Variants in TBC1D16 observed in about 807,000 individuals in gnomAD.
TBC1D16 encodes TBC1 domain family member 16.
TBC1D16 carries 58 observed loss-of-function variants against 74.7 expected under a neutral mutation model. That is an observed-to-expected ratio of 0.78 (90% CI 0.63 to 0.97). TBC1D16 has a LOEUF of 0.97. TBC1D16 is among the 50% of genes least tolerant of loss of function. The pLI, the probability that TBC1D16 is intolerant of heterozygous loss-of-function variation, is 0.00. For missense variants in TBC1D16, 1,014 were observed against 1,079.5 expected (o/e 0.94, Z 0.85); for synonymous variants, 493 against 474.7 (o/e 1.04, Z -0.50).
At chr17:79,959,261 A>G (rs1950286318) in intron 3 of TBC1D16, among the ~76,000 whole-genome samples, 1 of 152,250 alleles carries the variant, frequency 6.6e-6, no homozygotes, top group African/African-American at 2.4e-5. Flanking sequence ...ATCTTAAGAA[A>G]TGCAGAAATG....
At position 80,010,321 on chromosome 17, in the gene TBC1D16, G is replaced by A. The variant is rs1476935325; in HGVS notation, c.618C>T (p.Ala206=). Residue 206 remains alanine (A), a synonymous_variant, in exon 3 of 12, where the codon GCC becomes GCT. Transcript: ENST00000310924. This position sits in a 1 kb window ranked among gnomAD's most constrained non-coding sequence, Gnocchi z 8.8. The part of the protein sequence containing the change: ...TEEGREPRPE[A]GEEDGSLELS... Reference sequence around the variant, plus strand: ...GTTCCAAAGAGCCATCCTCCTCCCCGGCCTCGGGCCGCGGCTCCCGCCCCT... The same window carrying A: ...GTTCCAAAGAGCCATCCTCCTCCCCAGCCTCGGGCCGCGGCTCCCGCCCCT... 1.1e-5 allele frequency: 18 copies of A among 1,610,922 alleles called. No homozygotes were observed. The Middle Eastern group carries it at 4.9e-4, about 44-fold the overall frequency.
rs941272113 is a variant in TBC1D16, at chr17:79,979,305, C to T, written c.780-26487G>A. Among the ~76,000 whole-genome samples the T allele has an allele frequency of 2.6e-5, 4 of 151,872 alleles. No individual in the cohort carries two copies. Among genetic ancestry groups the T allele is most frequent in the East Asian group, 1.9e-4 (1 of 5,166 alleles). On this transcript the variant is annotated intron_variant, in intron 3 of 11. Transcript: ENST00000310924. The surrounding 1 kb of genome is among the most constrained non-coding windows in gnomAD (Gnocchi z 4.8). ...CACGCGCTCCGGGGACGCACACCCA[C>T]GCCCAGAGCACACACGCTCCAGGGA...
intron 3 of TBC1D16, among the ~76,000 whole-genome samples, chr17:80,003,848 G>A (rs2035581177): frequency 6.6e-6 from 1 of 152,150 alleles, no homozygotes; most frequent in African/African-American, 2.4e-5. Flanking sequence ...CTAGGAGTTT[G>A]AGACCAGCCT....
intron 1 of TBC1D16, among the ~76,000 whole-genome samples, chr17:80,030,764 C>A (rs995389795): frequency 3.9e-5 from 6 of 152,134 alleles, no homozygotes; most frequent in Non-Finnish European, 7.4e-5. Context: ...CAGGCAGGGG[C>A]AGAGGCAGAG....
Position 79,990,894 on chromosome 17 carries a change from C to T in TBC1D16, c.779+19266G>A, listed in dbSNP as rs1022374740. 6.6e-6 allele frequency among the ~76,000 whole-genome samples: 1 copy of T among 152,224 alleles called. No individual in the cohort carries two copies. Among genetic ancestry groups the T allele is most frequent in the Non-Finnish European group, 1.5e-5 (1 of 68,044 alleles). ...CTCGGCGTAACGTCCTCAACTCATC[C>T]GTGTTGCGGCGCGTGTCAGAATTGC... On this transcript the variant is annotated intron_variant, in intron 3 of 11. Coordinates refer to ENST00000310924, the MANE Select transcript of TBC1D16 (RefSeq NM_019020.4). The surrounding 1 kb of genome is among the most constrained non-coding windows in gnomAD (Gnocchi z 4.8).
Position 79,993,908 on chromosome 17 carries a change from T to C in TBC1D16, c.779+16252A>G, listed in dbSNP as rs1203372433. ...CCCCCATGCAACCACCGGCCGGGGTTGCGTCAAGGCCTCCCGGAGCAGCTG... is the reference window on the plus strand; with the variant it reads ...CCCCCATGCAACCACCGGCCGGGGTCGCGTCAAGGCCTCCCGGAGCAGCTG... On this transcript the variant is annotated intron_variant, in intron 3 of 11. Transcript: ENST00000310924. The surrounding 1 kb of genome is among the most constrained non-coding windows in gnomAD (Gnocchi z 5.1). Among the ~76,000 whole-genome samples the C allele has an allele frequency of 6.6e-6, 1 of 152,098 alleles. No homozygotes were observed. The highest frequency in any genetic ancestry group is 2.4e-5 in the African/African-American group (1 of 41,436).
intron 1 of TBC1D16, among the ~76,000 whole-genome samples, chr17:80,016,605 A>AGGGT (rs1264570160): frequency 7.8e-4 from 1 of 1,278 alleles, no homozygotes; most frequent in Non-Finnish European, 1.4e-3. Context: ...TCTGGGACAG[A>AGGGT]GGGTGGGTGG....
At chr17:79,955,999 C>T (rs2033315579) in intron 3 of TBC1D16, among the ~76,000 whole-genome samples, 1 of 152,184 alleles carries the variant, frequency 6.6e-6, no homozygotes, top group Admixed American at 6.5e-5. Flanking sequence ...AGTTCTGGGG[C>T]CTAGGCAGCC....
Position 79,932,815 on chromosome 17 carries a change from A to G in TBC1D16, c.*8044T>C, listed in dbSNP as rs535499017. The G allele has an allele frequency of 6.6e-6, 1 of 152,208 alleles. No homozygotes were observed. Among genetic ancestry groups the G allele is most frequent in the Admixed American group, 6.5e-5 (1 of 15,286 alleles). 9.4% of individuals were successfully genotyped at this position (152,208 alleles called of 1,614,324 possible). A position where few individuals can be genotyped will look rare whatever the true frequency, so the allele number is the denominator to read the frequency against. On this transcript the variant is annotated 3_prime_UTR_variant, in exon 12 of 12. Coordinates refer to ENST00000310924, the MANE Select transcript of TBC1D16 (RefSeq NM_019020.4). ...TGCTGCGCCCAGCCTGAGGCCCTGG[A>G]CCCCTTTTGCACCATCCTAATTTCA...
intron 1 of TBC1D16, among the ~76,000 whole-genome samples, chr17:80,027,891 CAAAAA>C (rs71163908): frequency 1.5e-5 from 1 of 66,824 alleles, no homozygotes; most frequent in Admixed American, 1.8e-4. Context: ...GACTCCAACT[CAAAAA>C]AAAAAAAAAA....
Position 80,010,436 on chromosome 17 carries a change from A to C in TBC1D16, c.503T>G (p.Leu168Trp). Reference sequence around the variant, plus strand: ...GGCTGGCTGGGCACCATCCACCCCCAAGCCCTGCGCCAGCTTCTCCTCATC... The same window carrying C: ...GGCTGGCTGGGCACCATCCACCCCCCAGCCCTGCGCCAGCTTCTCCTCATC... ...PEDEEKLAQG[L>W]GVDGAQPASQ... The change falls in exon 3 of 12, where the codon TTG (leucine) becomes TGG (tryptophan). Residue 168 changes from leucine to tryptophan, a missense_variant. By Grantham distance (61) the Leu-to-Trp change is moderately conservative. Coordinates refer to ENST00000310924, the MANE Select transcript of TBC1D16 (RefSeq NM_019020.4). This position sits in a 1 kb window ranked among gnomAD's most constrained non-coding sequence, Gnocchi z 8.8. The C allele has an allele frequency of 6.2e-7, 1 of 1,609,438 alleles. No individual in the cohort carries two copies. The highest frequency in any genetic ancestry group is 1.3e-5 in the African/African-American group (1 of 74,940).
intron 3 of TBC1D16, among the ~76,000 whole-genome samples, chr17:79,992,587 A>C (rs537370856): frequency 1.3e-5 from 2 of 152,340 alleles, no homozygotes; most frequent in East Asian, 3.9e-4. Flanking sequence ...AGTCTGCCCT[A>C]ACCGCCAGTC....
chr17:79,974,939 G>C (rs562134909), intron 3 of TBC1D16, among the ~76,000 whole-genome samples: 2 of 152,192 alleles, frequency 1.3e-5, no homozygotes, highest in Admixed American at 6.5e-5. Context: ...CTCCCTGTCC[G>C]ATTCCTGATT....
intron 1 of TBC1D16, among the ~76,000 whole-genome samples, chr17:80,023,362 A>G (rs570971897): frequency 6.7e-6 from 1 of 149,894 alleles, no homozygotes; most frequent in South Asian, 2.1e-4. Flanking sequence ...ACCATGGGAC[A>G]GTACCCGGGC....
chr17:80,002,069 G>A (rs538369242), intron 3 of TBC1D16, among the ~76,000 whole-genome samples: 608 of 152,246 alleles, frequency 4.0e-3, no homozygotes, highest in Non-Finnish European at 6.3e-3. Context: ...GGCAGGAAAC[G>A]CAGAAGGGAT....
At position 79,950,393 on chromosome 17, in the gene TBC1D16, G is replaced by C; in HGVS notation, c.1257+18C>G. On this transcript the variant is annotated intron_variant, in intron 6 of 11. Transcript: ENST00000310924. The surrounding 1 kb of genome is among the most constrained non-coding windows in gnomAD (Gnocchi z 4.6). The stretch of plus-strand genomic sequence containing the variant: ...GGCCGGCTCTCCGCGGGGCCAGCTG[G>C]GCGGACCCGGACCTCACCTTCCGCA... The C allele has an allele frequency of 6.3e-7, 1 of 1,591,248 alleles. No individual in the cohort carries two copies. Among genetic ancestry groups the C allele is most frequent in the Non-Finnish European group, 8.6e-7 (1 of 1,169,534 alleles).
chr17:79,947,899 A>G (rs2032693524), intron 8 of TBC1D16, 68 bp from the exon 9 acceptor site: 1 of 1,381,936 alleles, frequency 7.2e-7, no homozygotes, highest in East Asian at 2.4e-5. Context: ...CAGCCTGCAG[A>G]ACCCTGGGCC....
Position 79,941,153 on chromosome 17 carries a change from G to A in TBC1D16, c.2056-46C>T. The A allele has an allele frequency of 6.6e-7, 1 of 1,506,726 alleles. No individual in the cohort carries two copies. Among genetic ancestry groups the A allele is most frequent in the Admixed American group, 2.0e-5 (1 of 49,754 alleles). 93.3% of individuals were successfully genotyped at this position (1,506,726 alleles called of 1,614,324 possible). A position where few individuals can be genotyped will look rare whatever the true frequency, so the allele number is the denominator to read the frequency against. On this transcript the variant is annotated intron_variant, in intron 11 of 11. Coordinates refer to ENST00000310924, the MANE Select transcript of TBC1D16 (RefSeq NM_019020.4). The surrounding 1 kb of genome is among the most constrained non-coding windows in gnomAD (Gnocchi z 4.3). ...GTGAGGAGGGGCCGGGGGACAGCCT[G>A]GCAGCCTAGGGTCCCCATGGGAGTG...
At position 80,027,122 on chromosome 17, in the gene TBC1D16, T is replaced by C. The variant is rs551445612; in HGVS notation, c.-63+8673A>G. Reference sequence around the variant, plus strand: ...AGATGCTCAAAGCACCTTGTGGCAATTATTACAAATCCCCTCCCCAAATCC... The same window carrying C: ...AGATGCTCAAAGCACCTTGTGGCAACTATTACAAATCCCCTCCCCAAATCC... On this transcript the variant is annotated intron_variant, in intron 1 of 11. Transcript: ENST00000310924. 2.9e-4 allele frequency among the ~76,000 whole-genome samples: 44 copies of C among 152,252 alleles called. No homozygotes were observed. In the South Asian group the frequency reaches 8.3e-3, roughly 29 times the overall value.
Sources: allele counts gnomAD v4.1 joint callset (sites outside exome capture counted in the v4.1 genomes callset), GRCh38; gene constraint gnomAD v4.1.1; non-coding constraint Gnocchi (gnomAD v3.1); transcripts MANE v1.5; gene names NCBI Gene and HGNC (gene_info 2026-07-23, HGNC 2026-07-21).